NPAS3: variants seen among roughly 807,000 people sequenced by gnomAD.
The protein encoded by NPAS3 is neuronal PAS domain-containing protein 3.
In NPAS3, 14 loss-of-function variants were observed where a neutral mutation model predicts 73.1. That is an observed-to-expected ratio of 0.19 (90% confidence interval 0.13 to 0.30). The LOEUF (loss-of-function observed/expected upper bound fraction) is 0.30. NPAS3 is among the 10% of genes least tolerant of loss of function. NPAS3 has a pLI of 1.00. For synonymous variants in NPAS3, 620 were observed against 541.5 expected (o/e 1.14, Z -2.01); for missense variants, 1,096 against 1,250.0 (o/e 0.88, Z 1.86).
At chr14:33,051,348 A>T in intron 1 of NPAS3, among the ~76,000 whole-genome samples, 1 of 151,476 alleles carries the variant, frequency 6.6e-6, no homozygotes, top group East Asian at 1.9e-4. Context: ...CAGACCTGAG[A>T]TCCATCAGTC....
intron 2 of NPAS3, among the ~76,000 whole-genome samples, chr14:33,153,042 T>C (rs566990230): frequency 6.6e-6 from 1 of 152,292 alleles, no homozygotes; most frequent in African/African-American, 2.4e-5. Flanking sequence ...TCTCTCATTT[T>C]TGTTGTTTTT....
chr14:33,190,822 G>A (rs749119789), intron 2 of NPAS3, among the ~76,000 whole-genome samples: 1 of 152,162 alleles, frequency 6.6e-6, no homozygotes, highest in Non-Finnish European at 1.5e-5. Context: ...TCGGTATAAA[G>A]CCTTTTCTTA....
intron 5 of NPAS3, among the ~76,000 whole-genome samples, chr14:33,605,366 A>C (rs954119988): frequency 6.7e-6 from 1 of 149,632 alleles, no homozygotes; most frequent in Non-Finnish European, 1.5e-5. Flanking sequence ...CAATAAAGCA[A>C]GGAGAAGAGA....
intron 6 of NPAS3, among the ~76,000 whole-genome samples, chr14:33,709,939 G>A (rs1424324736): frequency 6.6e-6 from 1 of 152,192 alleles, no homozygotes. Flanking sequence ...AGCCTGGAGA[G>A]CACTGAAGGT....
At chr14:33,174,045 G>A (rs527863792) in intron 2 of NPAS3, among the ~76,000 whole-genome samples, 7 of 152,280 alleles carry the variant, frequency 4.6e-5, no homozygotes, top group African/African-American at 1.4e-4. Flanking sequence ...TCAGAGGTTT[G>A]CATATTTTTT....
chr14:33,649,928 A>G (rs1341296323), intron 5 of NPAS3, among the ~76,000 whole-genome samples: 1 of 152,192 alleles, frequency 6.6e-6, no homozygotes, highest in African/African-American at 2.4e-5. Flanking sequence ...AGAGGTCTTT[A>G]AAGAATATAT....
intron 5 of NPAS3, among the ~76,000 whole-genome samples, chr14:33,627,923 T>C (rs2058267179): frequency 6.6e-6 from 1 of 152,172 alleles, no homozygotes; most frequent in East Asian, 1.9e-4. Context: ...GAAAATCTCT[T>C]ATCAGCAGTG....
intron 5 of NPAS3, among the ~76,000 whole-genome samples, chr14:33,573,154 T>A (rs981230166): frequency 1.3e-5 from 2 of 151,916 alleles, no homozygotes; most frequent in Non-Finnish European, 2.9e-5. Flanking sequence ...TATTCCAACA[T>A]TCAATAGTAG....
intron 3 of NPAS3, among the ~76,000 whole-genome samples, chr14:33,314,630 G>A (rs1189340793): frequency 1.3e-5 from 2 of 151,824 alleles, no homozygotes; most frequent in Non-Finnish European, 2.9e-5. Flanking sequence ...GAATATTATC[G>A]ATCCATATAA....
At chr14:33,742,309 C>G (rs1268303924) in intron 7 of NPAS3, among the ~76,000 whole-genome samples, 1 of 152,118 alleles carries the variant, frequency 6.6e-6, no homozygotes, top group Non-Finnish European at 1.5e-5. Context: ...TTACAGAAAT[C>G]GAAGGTTTCC....
At chr14:33,551,368 G>A (rs1016597551) in intron 4 of NPAS3, among the ~76,000 whole-genome samples, 2 of 152,042 alleles carry the variant, frequency 1.3e-5, no homozygotes, top group Non-Finnish European at 2.9e-5. Context: ...TTATTATTTT[G>A]TCTTAAGAGC....
intron 3 of NPAS3, among the ~76,000 whole-genome samples, chr14:33,356,303 G>A (rs1386518207): frequency 6.6e-6 from 1 of 152,166 alleles, no homozygotes; most frequent in East Asian, 1.9e-4. Context: ...CAAATTTTTG[G>A]CAAGTGATGC....
At chr14:33,114,108 T>C (rs112092180) in intron 2 of NPAS3, among the ~76,000 whole-genome samples, 6 of 152,254 alleles carry the variant, frequency 3.9e-5, no homozygotes, top group African/African-American at 1.2e-4. Context: ...CGATCTTGAC[T>C]TGCTGCAACC....
chr14:33,624,461 TGAGTA>T (rs1434711178), intron 5 of NPAS3, among the ~76,000 whole-genome samples: 1 of 152,180 alleles, frequency 6.6e-6, no homozygotes, highest in Non-Finnish European at 1.5e-5. Context: ...TTTTTATGAT[TGAGTA>T]AAGTTTTATA....
chr14:33,382,440 T>C (rs2046597151), intron 4 of NPAS3, among the ~76,000 whole-genome samples: 1 of 152,168 alleles, frequency 6.6e-6, no homozygotes, highest in African/African-American at 2.4e-5. Context: ...TTTTTTTCAC[T>C]GAGATTGCTA....
intron 7 of NPAS3, among the ~76,000 whole-genome samples, chr14:33,739,786 T>G (rs2061610855): frequency 6.6e-6 from 1 of 152,186 alleles, no homozygotes; most frequent in African/African-American, 2.4e-5. Flanking sequence ...GAAACCAAGT[T>G]AGTGCATCTT....
chr14:33,202,275 C>T (rs997993105), intron 2 of NPAS3, among the ~76,000 whole-genome samples: 6 of 152,066 alleles, frequency 3.9e-5, no homozygotes, highest in African/African-American at 1.2e-4. Flanking sequence ...TGGTAGTGCA[C>T]ACCTAGAGTC....
In NPAS3 at chr14:33,781,576, G is replaced by A. The variant is rs987109771; in HGVS notation, c.1153+3004G>A. On this transcript the variant is annotated intron_variant, in intron 9 of 11. Transcript: ENST00000356141. ...GAAGGTCATGGCGACATAGAATCAG[G>A]TCAAGAATAAGATAGAATTCTAAAA... is the stretch of plus-strand genomic sequence containing the variant. 2.0e-5 allele frequency among the ~76,000 whole-genome samples: 3 copies of A among 152,178 alleles called. No homozygotes were observed. In the South Asian group the frequency reaches 6.2e-4, roughly 32 times the overall value.
intron 4 of NPAS3, among the ~76,000 whole-genome samples, chr14:33,515,675 A>T (rs1189804090): frequency 1.3e-5 from 2 of 152,014 alleles, no homozygotes; most frequent in African/African-American, 4.8e-5. Flanking sequence ...AATTCTTCCA[A>T]CTCACGGAAT....
Sources: allele counts gnomAD v4.1 joint callset (sites outside exome capture counted in the v4.1 genomes callset), GRCh38; gene constraint gnomAD v4.1.1; transcripts MANE v1.5; gene names NCBI Gene and HGNC (gene_info 2026-07-23, HGNC 2026-07-21).